DIAPH2: variants seen among roughly 807,000 people sequenced by gnomAD.
DIAPH2 encodes the protein protein diaphanous homolog 2.
DIAPH2 carries 35 observed loss-of-function variants against 92.7 expected under a neutral mutation model. The ratio of observed to expected loss-of-function variants is 0.38; its 90% CI spans 0.29 to 0.50. The LOEUF (loss-of-function observed/expected upper bound fraction) is 0.50. DIAPH2 is among the 20% of genes least tolerant of loss of function. The pLI is 0.94. For synonymous variants in DIAPH2, 301 were observed against 280.4 expected (o/e 1.07, Z -0.73); for missense variants, 701 against 819.5 (o/e 0.86, Z 1.77).
At chrX:97,043,709 G>GA (rs977725069) in intron 17 of DIAPH2, among the ~76,000 whole-genome samples, 3 of 111,130 alleles carry the variant, frequency 2.7e-5, no homozygotes, top group East Asian at 2.8e-4. Context: ...ACTAAAAAAA[G>GA]AAAAAATATA....
intron 17 of DIAPH2, among the ~76,000 whole-genome samples, chrX:96,967,210 A>G: frequency 9.1e-6 from 1 of 109,964 alleles, no homozygotes; most frequent in Non-Finnish European, 1.9e-5. Context: ...TCTGTTCTCT[A>G]TTAGCCCCCA....
intron 26 of DIAPH2, among the ~76,000 whole-genome samples, chrX:97,593,648 A>G (rs1352920675): frequency 2.7e-5 from 3 of 111,758 alleles, no homozygotes; most frequent in Non-Finnish European, 3.8e-5. Flanking sequence ...ATGAAACCAT[A>G]TATTCCTAAA....
chrX:97,182,420 G>A (rs1483266725), intron 22 of DIAPH2, among the ~76,000 whole-genome samples: 5 of 111,253 alleles, frequency 4.5e-5, no homozygotes, highest in Non-Finnish European at 7.5e-5. Context: ...AGGCTGAGGG[G>A]AGAGGATTGA....
intron 26 of DIAPH2, among the ~76,000 whole-genome samples, chrX:97,568,030 C>T (rs185012118): frequency 0.016 from 1,547 of 94,998 alleles, 28 homozygotes; most frequent in African/African-American, 0.058. Flanking sequence ...GCAGGAGAAT[C>T]GCTTGAACCT....
chrX:97,521,591 G>A (rs1418281441), intron 26 of DIAPH2, among the ~76,000 whole-genome samples: 2 of 111,310 alleles, frequency 1.8e-5, no homozygotes, highest in Non-Finnish European at 3.8e-5. Flanking sequence ...GAATCATGGC[G>A]GTGGTTTCCT....
intron 22 of DIAPH2, among the ~76,000 whole-genome samples, chrX:97,170,879 A>AT (rs1470102316): frequency 1.1e-4 from 12 of 109,642 alleles, no homozygotes; most frequent in Non-Finnish European, 1.9e-4. Context: ...TTATTTATTT[A>AT]TTTATTTATT....
chrX:97,144,349 A>G (rs2067228623), intron 22 of DIAPH2, among the ~76,000 whole-genome samples: 1 of 111,173 alleles, frequency 9.0e-6, no homozygotes, highest in Non-Finnish European at 1.9e-5. Flanking sequence ...GAAAGAAATA[A>G]TACGTCCTAA....
chrX:97,539,642 T>A (rs2071124453), intron 26 of DIAPH2, among the ~76,000 whole-genome samples: 2 of 112,300 alleles, frequency 1.8e-5, no homozygotes, highest in Non-Finnish European at 3.8e-5. Context: ...CAGGTTATTT[T>A]GTTTATTCAT....
chrX:97,175,048 T>G (rs909272451), intron 22 of DIAPH2, among the ~76,000 whole-genome samples: 5 of 111,949 alleles, frequency 4.5e-5, no homozygotes, highest in African/African-American at 1.6e-4. Context: ...GGATTATAAT[T>G]ACCATAATCA....
chrX:96,849,636 C>T (rs1027496698), intron 4 of DIAPH2, among the ~76,000 whole-genome samples: 1 of 111,683 alleles, frequency 9.0e-6, no homozygotes, highest in Non-Finnish European at 1.9e-5. Flanking sequence ...AAAGAATCAG[C>T]GAGCATTTGG....
At chrX:97,349,673 C>T (rs754061429) in intron 24 of DIAPH2, among the ~76,000 whole-genome samples, 52 of 111,074 alleles carry the variant, frequency 4.7e-4, no homozygotes, top group African/African-American at 1.7e-3. Flanking sequence ...GAAGTATGAT[C>T]ATATGTCTTC....
intron 22 of DIAPH2, among the ~76,000 whole-genome samples, chrX:97,145,281 C>CTAGTAGTAGTAG (rs2067237096): frequency 3.4e-5 from 1 of 29,007 alleles, no homozygotes; most frequent in African/African-American, 1.5e-4. Context: ...TGAACTACTA[C>CTAGTAGTAGTAG]CAGTAGTAGT....
chrX:96,942,044 A>C lies in DIAPH2; in HGVS notation c.1352A>C (p.Glu451Ala). ...IRPQYYKIIE[E>A]CVSQIVLHCS... ...CCACAATATTATAAAATAATTGAGG[A>C]ATGTGTTTCACAGATAGTGCTACAC... The change falls in exon 13 of 27, where the codon GAA becomes GCA. Residue 451 changes from glutamate (E) to alanine (A), a missense_variant. By Grantham distance (107) the Glu-to-Ala change is moderately radical. This residue lies in a region of DIAPH2 where 536 missense variants were observed against 599.3 expected (regional missense o/e 0.89). Coordinates refer to ENST00000324765, the MANE Select transcript of DIAPH2 (RefSeq NM_006729.5). The C allele has an allele frequency of 8.5e-7, 1 of 1,178,931 alleles. No homozygotes were observed. The highest frequency in any genetic ancestry group is 1.2e-6 in the Non-Finnish European group (1 of 867,543).
intron 26 of DIAPH2, among the ~76,000 whole-genome samples, chrX:97,538,680 TAAA>T (rs1160263001): frequency 8.9e-6 from 1 of 112,330 alleles, no homozygotes; most frequent in African/African-American, 3.2e-5. Flanking sequence ...GGAAAAGAAT[TAAA>T]GAAGTTGCTA....
At chrX:97,487,772 T>C (rs1008262330) in intron 26 of DIAPH2, among the ~76,000 whole-genome samples, 5 of 78,160 alleles carry the variant, frequency 6.4e-5, no homozygotes, top group African/African-American at 1.9e-4. Flanking sequence ...TAACAATGCC[T>C]TTTACATTTT....
intron 17 of DIAPH2, among the ~76,000 whole-genome samples, chrX:97,005,627 C>A (rs889025689): frequency 2.7e-5 from 3 of 111,122 alleles, no homozygotes; most frequent in Non-Finnish European, 5.7e-5. Flanking sequence ...GCAAGCTCCG[C>A]CTCCCGGGTT....
intron 4 of DIAPH2, among the ~76,000 whole-genome samples, chrX:96,817,806 G>A (rs1231718963): frequency 9.2e-6 from 1 of 108,355 alleles, no homozygotes; most frequent in Non-Finnish European, 1.9e-5. Context: ...ACCTCTCAAA[G>A]TTCCCCCCAA....
At chrX:96,898,175 G>T (rs1471030267) in intron 5 of DIAPH2, among the ~76,000 whole-genome samples, 1 of 94,381 alleles carries the variant, frequency 1.1e-5, no homozygotes, top group African/African-American at 3.8e-5. Flanking sequence ...GAATAGTGCC[G>T]CAATAAACAT....
intron 10 of DIAPH2, among the ~76,000 whole-genome samples, chrX:96,934,342 T>A (rs2065642861): frequency 1.8e-5 from 2 of 112,069 alleles, no homozygotes; most frequent in African/African-American, 6.5e-5. Context: ...TTCTTTTTTT[T>A]ATATCCAGTT....
Sources: allele counts gnomAD v4.1 joint callset (sites outside exome capture counted in the v4.1 genomes callset), GRCh38; gene constraint gnomAD v4.1.1; regional missense constraint gnomAD v4.1.1; transcripts MANE v1.5; gene names NCBI Gene and HGNC (gene_info 2026-07-23, HGNC 2026-07-21).